The following GSAP variants were observed in gnomAD, a reference collection of about 807,000 sequenced individuals.
GSAP encodes the protein gamma-secretase-activating protein.
Under a neutral mutation model 131.7 loss-of-function variants are expected in GSAP, and 118 were observed. The ratio of observed to expected loss-of-function variants is 0.90; its 90% CI spans 0.77 to 1.04. The LOEUF is 1.04. GSAP is among the 50% of genes least tolerant of loss of function. The pLI is 0.00. For missense variants in GSAP, 1,019 were observed against 1,013.2 expected (o/e 1.01, Z -0.08); for synonymous variants, 381 against 363.4 (o/e 1.05, Z -0.55).
intron 19 of GSAP, among the ~76,000 whole-genome samples, chr7:77,347,930 T>C (rs1792148922): frequency 6.6e-6 from 1 of 150,384 alleles, no homozygotes; most frequent in Admixed American, 6.7e-5. Flanking sequence ...GGCAGGAGGA[T>C]GACTTGAGGC....
At chr7:77,330,555 C>G in intron 19 of GSAP, 188 bp from the exon 20 acceptor site, 2 of 1,170,078 alleles carry the variant, frequency 1.7e-6, no homozygotes, top group South Asian at 3.3e-5. Context: ...TCTTCTTTAC[C>G]CACTTCATTT....
rs1332697941 is a variant in GSAP at position 77,366,383 on chromosome 7, T to G, written c.872-3723A>C. Among the ~76,000 whole-genome samples the G allele has an allele frequency of 5.3e-5, 8 of 152,302 alleles. No individual in the cohort carries two copies. The South Asian group carries it at 1.2e-3, about 24-fold the overall frequency. On this transcript the variant is annotated intron_variant, in intron 12 of 30. Transcript: ENST00000257626. ...ATAAATTTTGGGTTTTACATTTAAG[T>G]CTTTAATGCATCTTGAGTTGATTTT...
chr7:77,321,503 G>A lies in GSAP; in HGVS notation c.1924-100C>T. 4.0e-6 allele frequency: 3 copies of A among 759,186 alleles called. No individual in the cohort carries two copies. In the South Asian group the frequency reaches 4.5e-5, roughly 11 times the overall value. 47.0% of individuals were successfully genotyped at this position (759,186 alleles called of 1,614,324 possible). The stretch of plus-strand genomic sequence containing the variant: ...CTCAGATAAGCATTTCAGGGCAGCT[G>A]GCATTCAGGCTGCATCCAGACACAC... On this transcript the variant is annotated intron_variant, in intron 24 of 30. Coordinates refer to ENST00000257626, the MANE Select transcript of GSAP (RefSeq NM_017439.4).
Position 77,402,487 on chromosome 7 carries a change from T to G in GSAP, c.243+2072A>C, listed in dbSNP as rs1801500403. Among the ~76,000 whole-genome samples the G allele has an allele frequency of 4.1e-5, 6 of 147,206 alleles. No individual in the cohort carries two copies. In the Admixed American group the frequency reaches 4.1e-4, roughly 10 times the overall value. ...GCACACACCTGTAGTTCCAGCTACT[T>G]GGGACGCTGAGGCAGGAGATTTGCT... On this transcript the variant is annotated intron_variant, in intron 3 of 30. Transcript: ENST00000257626.
chr7:77,376,124 TG>T (rs1264186020), intron 10 of GSAP, among the ~76,000 whole-genome samples: 1 of 152,190 alleles, frequency 6.6e-6, no homozygotes, highest in Non-Finnish European at 1.5e-5. Context: ...CAAGTCCTTT[TG>T]GGTCAAATAA....
chr7:77,377,089 C>T lies in GSAP; in HGVS notation c.682-182G>A, dbSNP rs541150587. Among the ~76,000 whole-genome samples, 5 of 151,856 alleles carry T rather than the reference C, an allele frequency of 3.3e-5. No individual in the cohort carries two copies. In the South Asian group the frequency reaches 1.0e-3, roughly 32 times the overall value. On this transcript the variant is annotated intron_variant, in intron 9 of 30. Transcript: ENST00000257626. ...AGTGCTGGGGCCAAGCACTATGGCT[C>T]ATGCCTGTAATCCATGTTTTAGGAG... is the stretch of plus-strand genomic sequence containing the variant.
At position 77,349,456 on chromosome 7, in the gene GSAP, C is replaced by A. The variant is rs1202007810; in HGVS notation, c.1492-52G>T. ...CAGCTGCTCAGTGTATGAACTACCA[C>A]TAGCTCAAGCTTTCAGGGAGTGTTT... On this transcript the variant is annotated intron_variant, in intron 18 of 30. Coordinates refer to ENST00000257626, the MANE Select transcript of GSAP (RefSeq NM_017439.4). The A allele has an allele frequency of 4.1e-6, 6 of 1,464,092 alleles. No individual in the cohort carries two copies. The African/African-American group carries it at 8.3e-5, about 20-fold the overall frequency. The allele number at this position is 1,464,092 out of a possible 1,614,324, so 90.7% of individuals were successfully genotyped here.
intron 3 of GSAP, among the ~76,000 whole-genome samples, chr7:77,399,601 T>G (rs1175689947): frequency 6.6e-6 from 1 of 151,950 alleles, no homozygotes; most frequent in Non-Finnish European, 1.5e-5. Flanking sequence ...ATTGGGACCG[T>G]GCTTATGCTT....
At chr7:77,340,507 A>C (rs938385895) in intron 19 of GSAP, among the ~76,000 whole-genome samples, 1 of 152,174 alleles carries the variant, frequency 6.6e-6, no homozygotes, top group African/African-American at 2.4e-5. Flanking sequence ...CACCAATTTC[A>C]AATCGGGTAG....
intron 18 of GSAP, among the ~76,000 whole-genome samples, chr7:77,351,887 T>C (rs1792913537): frequency 1.3e-5 from 2 of 152,018 alleles, no homozygotes; most frequent in African/African-American, 4.8e-5. Flanking sequence ...GACTCTGGGG[T>C]GGTGTAACCT....
intron 19 of GSAP, among the ~76,000 whole-genome samples, chr7:77,345,770 T>C (rs1791709254): frequency 6.6e-6 from 1 of 152,006 alleles, no homozygotes; most frequent in Non-Finnish European, 1.5e-5. Context: ...CCACCCCATC[T>C]CCCTTCGCTG....
intron 12 of GSAP, among the ~76,000 whole-genome samples, chr7:77,364,127 AATG>A (rs1206875123): frequency 6.6e-6 from 1 of 152,194 alleles, no homozygotes; most frequent in African/African-American, 2.4e-5. Context: ...TAGTTTTTTA[AATG>A]ATAATGAAAT....
chr7:77,366,376 A>C (rs1024261861), intron 12 of GSAP, among the ~76,000 whole-genome samples: 6 of 152,120 alleles, frequency 3.9e-5, no homozygotes, highest in Non-Finnish European at 8.8e-5. Context: ...TGGGTTTTAC[A>C]TTTAAGTCTT....
intron 1 of GSAP, among the ~76,000 whole-genome samples, chr7:77,414,793 G>T (rs1803976122): frequency 7.2e-6 from 1 of 138,414 alleles, no homozygotes; most frequent in Admixed American, 7.6e-5. Context: ...AGAGCTGCCT[G>T]TTGTATTTCA....
chr7:77,399,134 G>A (rs1166566895), intron 3 of GSAP, among the ~76,000 whole-genome samples: 1 of 152,162 alleles, frequency 6.6e-6, no homozygotes, highest in Admixed American at 6.5e-5. Flanking sequence ...TATTTCTGTA[G>A]AATCAAAACC....
intron 28 of GSAP, among the ~76,000 whole-genome samples, chr7:77,312,468 G>T (rs775156986): frequency 6.6e-6 from 1 of 152,150 alleles, no homozygotes; most frequent in Admixed American, 6.5e-5. Flanking sequence ...TTTATCTGCT[G>T]CTCTTCAAAA....
intron 8 of GSAP, 32 bp from the exon 9 acceptor site, chr7:77,377,422 A>G (rs1797112125): frequency 4.3e-6 from 5 of 1,163,116 alleles, no homozygotes; most frequent in Admixed American, 2.5e-5. Flanking sequence ...AAAAAAAAAA[A>G]GTATGAATAA....
intron 19 of GSAP, chr7:77,330,970 G>A (rs557489527): frequency 2.1e-6 from 1 of 480,674 alleles, no homozygotes; most frequent in East Asian, 1.5e-4. Flanking sequence ...CCTGAAGCAA[G>A]AATGTATCCA....
intron 6 of GSAP, among the ~76,000 whole-genome samples, chr7:77,383,262 T>C (rs1798048294): frequency 6.6e-6 from 1 of 152,144 alleles, no homozygotes; most frequent in East Asian, 1.9e-4. Context: ...TTGGAATATT[T>C]GATTCTGAAA....
Sources: allele counts gnomAD v4.1 joint callset (sites outside exome capture counted in the v4.1 genomes callset), GRCh38; gene constraint gnomAD v4.1.1; transcripts MANE v1.5; gene names NCBI Gene and HGNC (gene_info 2026-07-23, HGNC 2026-07-21).